The following STK39 variants were observed in gnomAD, a reference collection of about 807,000 sequenced individuals.
STK39 encodes the protein STE20/SPS1-related proline-alanine-rich protein kinase.
In STK39, 20 loss-of-function variants were observed where a neutral mutation model predicts 77.8. The ratio of observed to expected loss-of-function variants is 0.26; its 90% CI spans 0.18 to 0.37. The LOEUF is 0.37. STK39 is among the 10% of genes least tolerant of loss of function. STK39 has a pLI of 1.00. For synonymous variants in STK39, 246 were observed against 234.1 expected (o/e 1.05, Z -0.47); for missense variants, 479 against 656.5 (o/e 0.73, Z 2.95).
At chr2:167,974,858 C>G (rs551044989) in intron 16 of STK39, among the ~76,000 whole-genome samples, 1 of 152,134 alleles carries the variant, frequency 6.6e-6, no homozygotes, top group South Asian at 2.1e-4. Flanking sequence ...GGTAAGAATT[C>G]CTGGAATTTT....
chr2:168,232,141 G>A lies in STK39; in HGVS notation c.208+15087C>T, dbSNP rs879917043. 4.5e-4 allele frequency: 109 copies of A among 242,752 alleles called. 2 individuals are homozygous for A. The highest frequency in any genetic ancestry group is 4.3e-3 in the Admixed American group (106 of 24,592). 15.0% of individuals were successfully genotyped at this position (242,752 alleles called of 1,614,324 possible). ...CACCAGAGTGCAGGGACGCACACAG[G>A]AGTCACAAATCACACACTTGCTGTC... is the stretch of plus-strand genomic sequence containing the variant. On this transcript the variant is annotated intron_variant, in intron 1 of 17. Transcript: ENST00000355999.
chr2:168,157,789 C>T (rs1266180781), intron 5 of STK39, among the ~76,000 whole-genome samples: 1 of 152,172 alleles, frequency 6.6e-6, no homozygotes, highest in African/African-American at 2.4e-5. Flanking sequence ...AGCACACACA[C>T]ACCTAAAAGG....
intron 10 of STK39, among the ~76,000 whole-genome samples, chr2:168,092,744 T>C (rs1281041953): frequency 1.3e-5 from 2 of 152,196 alleles, no homozygotes; most frequent in Non-Finnish European, 2.9e-5. Flanking sequence ...AAACTAGGTA[T>C]ATTTGAGTAC....
At chr2:168,011,889 TCC>T (rs1047994385) in intron 16 of STK39, among the ~76,000 whole-genome samples, 1 of 152,128 alleles carries the variant, frequency 6.6e-6, no homozygotes, top group Non-Finnish European at 1.5e-5. Flanking sequence ...ATCTTTAAGT[TCC>T]CATCCAAACC....
intron 1 of STK39, among the ~76,000 whole-genome samples, chr2:168,239,000 T>C (rs987186224): frequency 1.3e-5 from 2 of 152,212 alleles, no homozygotes; most frequent in African/African-American, 4.8e-5. Context: ...AAAGGAATTA[T>C]AACATCTATT....
intron 1 of STK39, among the ~76,000 whole-genome samples, chr2:168,240,444 G>C (rs945335796): frequency 6.6e-6 from 1 of 152,196 alleles, no homozygotes; most frequent in African/African-American, 2.4e-5. Context: ...ATCCAAATAA[G>C]AATCGATAAG....
intron 10 of STK39, among the ~76,000 whole-genome samples, chr2:168,117,362 T>C (rs1472877558): frequency 1.3e-5 from 2 of 152,194 alleles, no homozygotes; most frequent in African/African-American, 4.8e-5. Flanking sequence ...ATCACCATCT[T>C]GCTTGCTAAA....
chr2:168,045,731 T>C (rs1685222826), intron 14 of STK39, among the ~76,000 whole-genome samples: 1 of 152,168 alleles, frequency 6.6e-6, no homozygotes, highest in Admixed American at 6.5e-5. Flanking sequence ...TTCTAAAGAT[T>C]GATGCAAATA....
At chr2:168,125,157 A>G (rs767978246) in intron 10 of STK39, among the ~76,000 whole-genome samples, 15 of 152,186 alleles carry the variant, frequency 9.9e-5, no homozygotes, top group Non-Finnish European at 1.9e-4. Context: ...AACATGGGTA[A>G]AAATAGCAAG....
At chr2:168,240,668 G>A (rs1037482692) in intron 1 of STK39, among the ~76,000 whole-genome samples, 7 of 152,250 alleles carry the variant, frequency 4.6e-5, no homozygotes, top group African/African-American at 1.4e-4. Context: ...CCAGGGTGGA[G>A]AGACAATGAG....
At chr2:168,108,035 C>T (rs1687024902) in intron 10 of STK39, among the ~76,000 whole-genome samples, 2 of 152,156 alleles carry the variant, frequency 1.3e-5, no homozygotes, top group South Asian at 4.1e-4. Context: ...AAAACCCTGG[C>T]AAAATTCTAC....
At chr2:168,060,132 C>T (rs549380679) in intron 14 of STK39, among the ~76,000 whole-genome samples, 3 of 152,196 alleles carry the variant, frequency 2.0e-5, no homozygotes, top group South Asian at 4.2e-4. Context: ...ACATCCCCCC[C>T]CTTTCCACCC....
At chr2:168,189,636 A>G (rs980840856) in intron 1 of STK39, among the ~76,000 whole-genome samples, 1 of 152,236 alleles carries the variant, frequency 6.6e-6, no homozygotes, top group Admixed American at 6.5e-5. Flanking sequence ...TCTAATTTCC[A>G]TCTAATTCAA....
At chr2:168,009,786 G>A (rs919673753) in intron 16 of STK39, among the ~76,000 whole-genome samples, 1 of 152,086 alleles carries the variant, frequency 6.6e-6, no homozygotes, top group African/African-American at 2.4e-5. Flanking sequence ...GCTCCAAGAA[G>A]GGGAAAAAAG....
intron 16 of STK39, among the ~76,000 whole-genome samples, chr2:168,002,242 C>T (rs76890651): frequency 0.026 from 3,883 of 152,262 alleles, 154 homozygotes; most frequent in African/African-American, 0.088. Context: ...ATTAGAAAAT[C>T]AGGGCTTACA....
chr2:168,061,505 T>C (rs891179186), intron 14 of STK39, among the ~76,000 whole-genome samples: 1 of 152,216 alleles, frequency 6.6e-6, no homozygotes, highest in African/African-American at 2.4e-5. Context: ...ATGCACAGAT[T>C]GATGAATAGT....
In STK39 at chr2:168,182,097, T is replaced by A; in HGVS notation, c.209-7A>T. On this transcript the variant is annotated splice_polypyrimidine_tract_variant and splice_region_variant and intron_variant, in intron 1 of 17. Transcript: ENST00000355999. ...ACAGCAGTAGCTCCACTGCCTGCAA[T>A]GAAATAAAAACAACATCAGCGATCA... is the stretch of plus-strand genomic sequence containing the variant. 1.2e-6 allele frequency: 2 copies of A among 1,612,772 alleles called. No homozygotes were observed. The highest frequency in any genetic ancestry group is 1.7e-6 in the Non-Finnish European group (2 of 1,178,884).
chr2:168,010,712 T>G (rs188779250), intron 16 of STK39, among the ~76,000 whole-genome samples: 2 of 148,182 alleles, frequency 1.3e-5, no homozygotes, highest in African/African-American at 5.3e-5. Flanking sequence ...AAAAAATCTG[T>G]TTTTTTCTAA....
At chr2:168,064,720 G>A (rs951430157) in intron 13 of STK39, among the ~76,000 whole-genome samples, 3 of 152,156 alleles carry the variant, frequency 2.0e-5, no homozygotes, top group African/African-American at 7.2e-5. Flanking sequence ...AGAACAAAAG[G>A]GCTTGCCTGT....
Sources: gnomAD v4.1 joint callset for allele counts (sites outside exome capture counted in the v4.1 genomes callset) on GRCh38, gnomAD v4.1.1 for gene constraint, MANE v1.5 for transcripts, NCBI Gene and HGNC (gene_info 2026-07-23, HGNC 2026-07-21) for gene names.